Variants in RAB3C observed in about 807,000 individuals in gnomAD.
The protein encoded by RAB3C is ras-related protein Rab-3C.
Under a neutral mutation model 26.4 loss-of-function variants are expected in RAB3C, and 17 were observed. That is an observed-to-expected ratio of 0.64 (90% CI 0.44 to 0.97). The LOEUF is 0.97. RAB3C is among the 50% of genes least tolerant of loss of function. RAB3C has a pLI of 0.00. For missense variants in RAB3C, 242 were observed against 281.9 expected, an observed-to-expected ratio of 0.86 and a Z score of 1.01; for synonymous variants, 91 against 95.9, an observed-to-expected ratio of 0.95 and a Z score of 0.30.
intron 1 of RAB3C, among the ~76,000 whole-genome samples, chr5:58,608,201 A>G (rs1360599980): frequency 6.6e-6 from 1 of 152,218 alleles, no homozygotes; most frequent in Non-Finnish European, 1.5e-5. Context: ...TTATGTGCAG[A>G]GACATGTGTA....
chr5:58,631,621 C>T (rs1377930762), intron 2 of RAB3C, among the ~76,000 whole-genome samples: 4 of 152,148 alleles, frequency 2.6e-5, no homozygotes, highest in African/African-American at 9.7e-5. Flanking sequence ...ATATTATTGA[C>T]ACTTTACTGT....
intron 2 of RAB3C, among the ~76,000 whole-genome samples, chr5:58,629,340 G>A (rs1053080286): frequency 1.3e-5 from 2 of 152,166 alleles, no homozygotes; most frequent in African/African-American, 4.8e-5. Context: ...AGCAGCTGGA[G>A]AGCCAGGCAG....
chr5:58,602,009 A>G (rs889726279), intron 1 of RAB3C, among the ~76,000 whole-genome samples: 12 of 152,040 alleles, frequency 7.9e-5, no homozygotes, highest in African/African-American at 2.9e-4. Flanking sequence ...TCCTCTTAGT[A>G]CTGCCTTAGC....
intron 3 of RAB3C, among the ~76,000 whole-genome samples, chr5:58,801,726 G>C (rs1742811969): frequency 6.6e-6 from 1 of 152,250 alleles, no homozygotes; most frequent in Non-Finnish European, 1.5e-5. Context: ...TTTGCTTGAA[G>C]CAGAGCTCTT....
At chr5:58,802,856 T>C (rs992216600) in intron 3 of RAB3C, among the ~76,000 whole-genome samples, 2 of 152,226 alleles carry the variant, frequency 1.3e-5, no homozygotes, top group African/African-American at 4.8e-5. Flanking sequence ...AGCTAGGAGA[T>C]TGTCCACAAG....
intron 1 of RAB3C, among the ~76,000 whole-genome samples, chr5:58,608,701 T>G (rs1048446277): frequency 6.6e-6 from 1 of 152,178 alleles, no homozygotes; most frequent in Non-Finnish European, 1.5e-5. Context: ...TATACCCAAA[T>G]GATTATAAAT....
chr5:58,715,560 A>G (rs1198734981), intron 2 of RAB3C, among the ~76,000 whole-genome samples: 2 of 152,114 alleles, frequency 1.3e-5, no homozygotes, highest in Non-Finnish European at 2.9e-5. Flanking sequence ...GACACAGTAG[A>G]TTTTGGAGAA....
intron 2 of RAB3C, among the ~76,000 whole-genome samples, chr5:58,696,810 C>G (rs1748710565): frequency 6.6e-6 from 1 of 151,970 alleles, no homozygotes. Context: ...ATTCTTCTCT[C>G]TTTCCTTCTT....
At chr5:58,734,109 T>C (rs540423742) in intron 3 of RAB3C, among the ~76,000 whole-genome samples, 85 of 152,310 alleles carry the variant, frequency 5.6e-4, no homozygotes, top group Non-Finnish European at 1.1e-3. Flanking sequence ...ACTCTCTTCC[T>C]ATCAGTTTTA....
At chr5:58,614,304 T>A (rs1314368792) in intron 1 of RAB3C, among the ~76,000 whole-genome samples, 2 of 152,110 alleles carry the variant, frequency 1.3e-5, no homozygotes, top group African/African-American at 4.8e-5. Flanking sequence ...ATTCGTATGC[T>A]GTCAAATTGC....
intron 4 of RAB3C, among the ~76,000 whole-genome samples, chr5:58,832,607 AGAGGCATG>A (rs1379569328): frequency 6.6e-6 from 1 of 152,232 alleles, no homozygotes; most frequent in Non-Finnish European, 1.5e-5. Flanking sequence ...TTGTTGTAAT[AGAGGCATG>A]GACTCAGTGC....
At chr5:58,666,438 G>T (rs1748003345) in intron 2 of RAB3C, among the ~76,000 whole-genome samples, 3 of 152,172 alleles carry the variant, frequency 2.0e-5, no homozygotes, top group Non-Finnish European at 4.4e-5. Context: ...CACTGCGGGG[G>T]ACAAGGACAG....
At chr5:58,646,427 A>T (rs1363256031) in intron 2 of RAB3C, among the ~76,000 whole-genome samples, 3 of 152,136 alleles carry the variant, frequency 2.0e-5, no homozygotes, top group African/African-American at 7.2e-5. Flanking sequence ...ATTTTAAGAA[A>T]ATCTATTATA....
At chr5:58,841,173 G>C (rs757192807) in intron 4 of RAB3C, among the ~76,000 whole-genome samples, 4 of 152,214 alleles carry the variant, frequency 2.6e-5, no homozygotes, top group African/African-American at 4.8e-5. Context: ...TAGCGACTTT[G>C]CTGGCCAGGG....
intron 3 of RAB3C, among the ~76,000 whole-genome samples, chr5:58,803,658 T>C (rs946879977): frequency 2.6e-5 from 4 of 152,188 alleles, no homozygotes; most frequent in Non-Finnish European, 4.4e-5. Flanking sequence ...GCAGTCAGGT[T>C]GAAAAGGACC....
At chr5:58,670,947 CAT>C (rs1748103995) in intron 2 of RAB3C, among the ~76,000 whole-genome samples, 2 of 152,156 alleles carry the variant, frequency 1.3e-5, no homozygotes, top group Admixed American at 1.3e-4. Context: ...CCCTGGCCAT[CAT>C]ATGTTTTTCA....
rs528990860 is a variant in RAB3C at position 58,601,697 on chromosome 5, G to T, written c.25-15946G>T. ...AGTGGTGTCAGCTGTAATATCACCT[G>T]TTTAGTTTCTTAGTGAGATTATTTG... On this transcript the variant is annotated intron_variant, in intron 1 of 4. Transcript: ENST00000282878. Among the ~76,000 whole-genome samples, 28 of 152,050 alleles carry T rather than the reference G, an allele frequency of 1.8e-4. No homozygotes were observed. The South Asian group carries it at 4.4e-3, about 24-fold the overall frequency.
chr5:58,609,430 G>A (rs1046349824), intron 1 of RAB3C, among the ~76,000 whole-genome samples: 2 of 152,140 alleles, frequency 1.3e-5, no homozygotes, highest in African/African-American at 4.8e-5. Context: ...TTAAAAGGGG[G>A]ATGCTAATGG....
At chr5:58,692,449 T>G (rs914126008) in intron 2 of RAB3C, among the ~76,000 whole-genome samples, 3 of 152,164 alleles carry the variant, frequency 2.0e-5, no homozygotes, top group African/African-American at 7.2e-5. Context: ...TTTATTTTGA[T>G]GTTAAGCATA....
Sources: allele counts gnomAD v4.1 joint callset (sites outside exome capture counted in the v4.1 genomes callset), GRCh38; gene constraint gnomAD v4.1.1; transcripts MANE v1.5; gene names NCBI Gene and HGNC (gene_info 2026-07-23, HGNC 2026-07-21).